The following ZMYM2 variants were observed in gnomAD, a reference collection of about 807,000 sequenced individuals.
ZMYM2 encodes the protein zinc finger MYM-type containing 2, also known as zinc finger MYM-type protein 2.
ZMYM2 carries 56 observed loss-of-function variants against 162.8 expected under a neutral mutation model. That is an observed-to-expected ratio of 0.34 (90% CI 0.28 to 0.43). The LOEUF is 0.43. Ranked by LOEUF, ZMYM2 falls within the 20% of genes least tolerant of loss-of-function variation. The pLI is 1.00. For missense variants in ZMYM2, 1,275 were observed against 1,621.8 expected (o/e 0.79, Z 3.67); for synonymous variants, 510 against 541.6 (o/e 0.94, Z 0.81).
the ZMYM2 span, among the ~76,000 whole-genome samples, chr13:19,880,886 GTTTT>G: frequency 1.4e-5 from 2 of 147,828 alleles, no homozygotes; most frequent in East Asian, 3.9e-4. Flanking sequence ...TTTTGTTTTT[GTTTT>G]GTTTTTTGTT....
the ZMYM2 span, among the ~76,000 whole-genome samples, chr13:19,902,298 A>G: frequency 6.6e-6 from 1 of 152,286 alleles, no homozygotes; most frequent in East Asian, 1.9e-4. Context: ...TTTGAAATGA[A>G]AACATTCTAG....
At chr13:19,885,925 A>ATATACACATATATG in the ZMYM2 span, among the ~76,000 whole-genome samples, 2 of 23,826 alleles carry the variant, frequency 8.4e-5, 1 homozygote, top group Non-Finnish European at 2.0e-4. Flanking sequence ...ACACATATAT[A>ATATACACATATATG]TGTGTATACA....
At chr13:20,061,367 A>ACG in intron 17 of ZMYM2, 143 bp downstream of exon 17, 7 of 715,306 alleles carry the variant, frequency 9.8e-6, no homozygotes, top group South Asian at 3.0e-5. Flanking sequence ...TGTTTTTTAT[A>ACG]TTAAGAGATC....
intron 2 of ZMYM2, among the ~76,000 whole-genome samples, chr13:19,961,917 T>C (rs1955259646): frequency 1.3e-5 from 2 of 152,232 alleles, no homozygotes; most frequent in Admixed American, 6.5e-5. Context: ...TGCTTTTAGA[T>C]CCATTTACAA....
intron 2 of ZMYM2, among the ~76,000 whole-genome samples, chr13:19,982,977 C>G (rs1436815707): frequency 6.6e-6 from 1 of 152,030 alleles, no homozygotes; most frequent in Non-Finnish European, 1.5e-5. Flanking sequence ...TGGATGGAAG[C>G]AAAATTTTAT....
rs1954639637 is a variant in ZMYM2, at chr13:20,045,072, A to G, written c.2293-6361A>G. Among the ~76,000 whole-genome samples, 4 of 150,522 alleles carry G rather than the reference A, an allele frequency of 2.7e-5. No individual in the cohort carries two copies. In the South Asian group the frequency reaches 6.3e-4, roughly 24 times the overall value. On this transcript the variant is annotated intron_variant, in intron 12 of 24. Coordinates refer to ENST00000610343, the MANE Select transcript of ZMYM2 (RefSeq NM_197968.4). ...GTCAAAAAAAAAAAAAAAAAAAAAA[A>G]GCATGTGAAGACAGACATTATCATG...
In ZMYM2 at chr13:19,976,425, AC is replaced by A. The variant is rs1227425433; in HGVS notation, c.-11+16400del. The stretch of plus-strand genomic sequence containing the variant: ...CTTTTTTATTTTAAATTGTAAAAAA[AC>A]AACATAAAATTTACTATTTTTACGA... On this transcript the variant is annotated intron_variant, in intron 2 of 24. Coordinates refer to ENST00000610343, the MANE Select transcript of ZMYM2 (RefSeq NM_197968.4). 5.3e-5 allele frequency among the ~76,000 whole-genome samples: 8 copies of A among 152,258 alleles called. No homozygotes were observed. The East Asian group carries it at 7.7e-4, about 15-fold the overall frequency.
intron 17 of ZMYM2, among the ~76,000 whole-genome samples, chr13:20,061,842 C>T (rs1956259987): frequency 6.9e-6 from 1 of 145,888 alleles, no homozygotes; most frequent in South Asian, 2.3e-4. Flanking sequence ...ACCTGCTTCC[C>T]AAAGTGCTGG....
At chr13:19,988,541 T>C (rs1949358588) in intron 2 of ZMYM2, among the ~76,000 whole-genome samples, 1 of 152,090 alleles carries the variant, frequency 6.6e-6, no homozygotes, top group Admixed American at 6.6e-5. Flanking sequence ...TCCAGCACTT[T>C]GGGAGGCTGA....
chr13:20,029,814 T>G (rs1566340749), intron 9 of ZMYM2, among the ~76,000 whole-genome samples: 1 of 152,164 alleles, frequency 6.6e-6, no homozygotes, highest in East Asian at 1.9e-4. Flanking sequence ...TTTTTTTTTT[T>G]GGAGACAGAA....
intron 12 of ZMYM2, among the ~76,000 whole-genome samples, chr13:20,046,124 C>T (rs1236769847): frequency 6.6e-6 from 1 of 150,940 alleles, no homozygotes; most frequent in African/African-American, 2.4e-5. Flanking sequence ...TGATTTCATA[C>T]CCCTATAGTC....
upstream of ZMYM2, among the ~76,000 whole-genome samples, chr13:19,957,952 T>C (rs1485631168): frequency 5.3e-5 from 8 of 152,102 alleles, no homozygotes; most frequent in African/African-American, 1.9e-4. Context: ...AATGGCAGAG[T>C]CCAGTTGGGG....
At chr13:20,073,512 C>T (rs1223540302) in intron 21 of ZMYM2, among the ~76,000 whole-genome samples, 1 of 152,104 alleles carries the variant, frequency 6.6e-6, no homozygotes, top group Non-Finnish European at 1.5e-5. Flanking sequence ...TGTATTATTT[C>T]CTTTCTTAAT....
At chr13:20,030,761 T>TCAG (rs1439793462) in intron 9 of ZMYM2, among the ~76,000 whole-genome samples, 7 of 152,006 alleles carry the variant, frequency 4.6e-5, no homozygotes, top group Admixed American at 1.3e-4. Context: ...CTCGAACTCC[T>TCAG]GACCTTGGGT....
At chr13:19,997,510 T>TGTGTATGTGTGTATGG (rs1433232473) in intron 3 of ZMYM2, among the ~76,000 whole-genome samples, 1 of 152,124 alleles carries the variant, frequency 6.6e-6, no homozygotes, top group African/African-American at 2.4e-5. Context: ...GGTAGAAGTG[T>TGTGTATGTGTGTATGG]GTGTATGTGT....
At chr13:19,982,493 G>A (rs1957429788) in intron 2 of ZMYM2, among the ~76,000 whole-genome samples, 1 of 151,802 alleles carries the variant, frequency 6.6e-6, no homozygotes, top group South Asian at 2.1e-4. Context: ...TCACCATCTT[G>A]GCCAGGCTGG....
intron 6 of ZMYM2, among the ~76,000 whole-genome samples, chr13:20,008,061 A>G (rs1448902980): frequency 1.3e-5 from 2 of 152,076 alleles, no homozygotes; most frequent in African/African-American, 2.4e-5. Flanking sequence ...AAAGTAATTA[A>G]TTATAGGTGA....
chr13:19,907,445 A>G, the ZMYM2 span, among the ~76,000 whole-genome samples: 2 of 152,074 alleles, frequency 1.3e-5, no homozygotes, highest in Non-Finnish European at 2.9e-5. Flanking sequence ...TGTACTTTCC[A>G]CTCAAATTTA....
intron 7 of ZMYM2, among the ~76,000 whole-genome samples, chr13:20,021,367 CTTT>C (rs77767226): frequency 2.8e-4 from 31 of 108,874 alleles, no homozygotes; most frequent in Non-Finnish European, 4.3e-4. Context: ...TGTTTTCCTG[CTTT>C]TTTTTTTTTT....
Sources: allele counts gnomAD v4.1 joint callset (sites outside exome capture counted in the v4.1 genomes callset), GRCh38; gene constraint gnomAD v4.1.1; transcripts MANE v1.5; gene names NCBI Gene and HGNC (gene_info 2026-07-23, HGNC 2026-07-21).